The following SNX29 variants were observed in gnomAD, a reference collection of about 807,000 sequenced individuals.
The protein encoded by SNX29 is sorting nexin-29.
In SNX29, 78 loss-of-function variants were observed where a neutral mutation model predicts 102.1. That is an observed-to-expected ratio of 0.76 (90% confidence interval 0.64 to 0.92). SNX29 has a LOEUF of 0.92. SNX29 is among the 40% of genes least tolerant of loss of function. SNX29 has a pLI of 0.00. For synonymous variants in SNX29, 580 were observed against 414.5 expected (o/e 1.40, Z -4.85); for missense variants, 1,280 against 1,061.7 (o/e 1.21, Z -2.86).
intron 15 of SNX29, among the ~76,000 whole-genome samples, chr16:12,303,991 C>T (rs1457851891): frequency 6.6e-6 from 1 of 152,168 alleles, no homozygotes; most frequent in Non-Finnish European, 1.5e-5. Flanking sequence ...TTAGGGGATA[C>T]AGCCTGTTGA....
At chr16:12,560,465 C>G (rs975275587) in intron 20 of SNX29, among the ~76,000 whole-genome samples, 2 of 152,160 alleles carry the variant, frequency 1.3e-5, no homozygotes, top group African/African-American at 4.8e-5. Context: ...GGGTTCTTGC[C>G]TGGGAGTCAC....
chr16:12,273,567 C>CA (rs2079156028), intron 14 of SNX29, among the ~76,000 whole-genome samples: 1 of 152,078 alleles, frequency 6.6e-6, no homozygotes, highest in African/African-American at 2.4e-5. Flanking sequence ...CCATGTTGGC[C>CA]AGCTGGTCTC....
intron 18 of SNX29, among the ~76,000 whole-genome samples, chr16:12,424,939 G>C (rs151032831): frequency 6.6e-6 from 1 of 152,188 alleles, no homozygotes; most frequent in African/African-American, 2.4e-5. Flanking sequence ...TAACATGCCC[G>C]TCCATAGACA....
intron 13 of SNX29, among the ~76,000 whole-genome samples, chr16:12,147,667 T>C (rs11647573): frequency 0.2 from 29,931 of 152,194 alleles, 3,399 homozygotes; most frequent in Middle Eastern, 0.28. Flanking sequence ...GTGGCTCAGT[T>C]TAACCCCCTT....
intron 4 of SNX29, among the ~76,000 whole-genome samples, chr16:12,039,017 C>A (rs3881427): frequency 1.3e-5 from 2 of 152,242 alleles, no homozygotes; most frequent in African/African-American, 4.8e-5. Context: ...GATTGAGACA[C>A]AAGATAGTCT....
rs1282795028 is a variant in SNX29 at position 12,574,160 on chromosome 16, T to G, written c.*5531T>G. 1 of 181,036 alleles carries G rather than the reference T, an allele frequency of 5.5e-6. No homozygotes were observed. Among genetic ancestry groups the G allele is most frequent in the Non-Finnish European group, 1.2e-5 (1 of 84,816 alleles). The allele number at this position is 181,036 out of a possible 1,614,324, so 11.2% of individuals were successfully genotyped here. Reference sequence around the variant, plus strand: ...GGATTTTTAAACAAATGTGTTTAATTTTTTAAGATCTCTTGTATTAAAATT... The same window carrying G: ...GGATTTTTAAACAAATGTGTTTAATGTTTTAAGATCTCTTGTATTAAAATT... On this transcript the variant is annotated 3_prime_UTR_variant, in exon 21 of 21. Transcript: ENST00000566228.
At chr16:12,015,947 C>G (rs2056834461) in intron 3 of SNX29, among the ~76,000 whole-genome samples, 1 of 151,786 alleles carries the variant, frequency 6.6e-6, no homozygotes, top group African/African-American at 2.4e-5. Flanking sequence ...TCACTGCAAC[C>G]TCCACTTCCC....
At chr16:12,503,771 A>C (rs961244207) in intron 19 of SNX29, among the ~76,000 whole-genome samples, 2 of 152,176 alleles carry the variant, frequency 1.3e-5, no homozygotes, top group Non-Finnish European at 2.9e-5. Context: ...GCCCAGACTT[A>C]TTATGGCAAT....
At chr16:12,540,375 G>A (rs1409903433) in intron 20 of SNX29, among the ~76,000 whole-genome samples, 2 of 152,114 alleles carry the variant, frequency 1.3e-5, no homozygotes, top group Non-Finnish European at 2.9e-5. Flanking sequence ...TCTTATTGTT[G>A]CCCTACCAAA....
chr16:12,021,096 T>C (rs1056731363), intron 3 of SNX29, among the ~76,000 whole-genome samples: 10 of 152,192 alleles, frequency 6.6e-5, no homozygotes, highest in African/African-American at 1.9e-4. Context: ...ATGATTGTAG[T>C]TGGTTTTCTC....
At chr16:12,236,204 C>T (rs903001659) in intron 14 of SNX29, among the ~76,000 whole-genome samples, 1 of 152,166 alleles carries the variant, frequency 6.6e-6, no homozygotes, top group Non-Finnish European at 1.5e-5. Flanking sequence ...ACAGTTAATA[C>T]ATCATCTGGT....
rs1476100935 is a variant in SNX29 at position 12,571,657 on chromosome 16, A to G, written c.*3028A>G. On this transcript the variant is annotated 3_prime_UTR_variant, in exon 21 of 21. Transcript: ENST00000566228. Reference sequence around the variant, plus strand: ...CCCCCAGATGAAAGACGACTCAGGAACGGTAGGGCTGGGCAGAGGTGTCTC... The same window carrying G: ...CCCCCAGATGAAAGACGACTCAGGAGCGGTAGGGCTGGGCAGAGGTGTCTC... 9.4e-7 allele frequency: 1 copy of G among 1,058,720 alleles called. No individual in the cohort carries two copies. The highest frequency in any genetic ancestry group is 1.6e-5 in the African/African-American group (1 of 60,688). The allele number at this position is 1,058,720 out of a possible 1,614,324, so 65.6% of individuals were successfully genotyped here.
chr16:12,199,833 G>A, intron 14 of SNX29, 150 bp downstream of exon 14: 3 of 665,340 alleles, frequency 4.5e-6, no homozygotes, highest in Non-Finnish European at 7.8e-6. Context: ...AAATTAATCA[G>A]GTGGAAAACC....
chr16:12,047,392 G>C (rs1381224579), intron 6 of SNX29, among the ~76,000 whole-genome samples: 1 of 151,998 alleles, frequency 6.6e-6, no homozygotes, highest in African/African-American at 2.4e-5. Context: ...CAAATATCTG[G>C]GGTTGTTAGT....
intron 18 of SNX29, among the ~76,000 whole-genome samples, chr16:12,441,334 C>T (rs765298023): frequency 1.1e-4 from 16 of 152,018 alleles, no homozygotes; most frequent in South Asian, 2.1e-4. Context: ...GTGATCCACC[C>T]ACCTCGGCCT....
At chr16:12,158,820 A>T (rs911325853) in intron 13 of SNX29, among the ~76,000 whole-genome samples, 1 of 152,212 alleles carries the variant, frequency 6.6e-6, no homozygotes, top group Admixed American at 6.5e-5. Context: ...ATTGAGTGAA[A>T]TGGGGGAACC....
At chr16:12,298,720 G>A (rs1313906776) in intron 15 of SNX29, among the ~76,000 whole-genome samples, 1 of 152,164 alleles carries the variant, frequency 6.6e-6, no homozygotes, top group Non-Finnish European at 1.5e-5. Flanking sequence ...TGGCTGGGAG[G>A]ACCCTTGCTG....
intron 1 of SNX29, among the ~76,000 whole-genome samples, chr16:11,979,234 C>G (rs2055364372): frequency 1.6e-5 from 2 of 126,222 alleles, no homozygotes; most frequent in Admixed American, 9.9e-5. Context: ...GTGATCATGC[C>G]ACTGCACTCC....
chr16:12,455,522 TC>T, intron 18 of SNX29, among the ~76,000 whole-genome samples: 1 of 152,358 alleles, frequency 6.6e-6, no homozygotes, highest in Non-Finnish European at 1.5e-5. Flanking sequence ...TAGCCAGTGT[TC>T]CTTGTCTCTT....
Sources: gnomAD v4.1 joint callset for allele counts (sites outside exome capture counted in the v4.1 genomes callset) on GRCh38, gnomAD v4.1.1 for gene constraint, MANE v1.5 for transcripts, NCBI Gene and HGNC (gene_info 2026-07-23, HGNC 2026-07-21) for gene names.